RALYL: variants seen among roughly 807,000 people sequenced by gnomAD.
RALYL encodes RNA-binding Raly-like protein.
A neutral mutation model predicts 35.1 loss-of-function variants in RALYL; 29 were observed. The ratio of observed to expected loss-of-function variants is 0.83; its 90% CI spans 0.61 to 1.13. The LOEUF (loss-of-function observed/expected upper bound fraction) is 1.13, where lower values mean the gene tolerates loss of function less well. RALYL is among the 50% of genes most tolerant of loss of function. The pLI, the probability that RALYL is intolerant of heterozygous loss-of-function variation, is 0.00. For synonymous variants in RALYL, 120 were observed against 127.6 expected, an observed-to-expected ratio of 0.94 and a Z score of 0.40; for missense variants, 359 against 360.4, an observed-to-expected ratio of 1.00 and a Z score of 0.03.
chr8:84,811,392 C>T (rs1043711082), intron 4 of RALYL, among the ~76,000 whole-genome samples: 1 of 152,176 alleles, frequency 6.6e-6, no homozygotes, highest in African/African-American at 2.4e-5. Flanking sequence ...TGCTGTTAAT[C>T]TGATAGGTTT....
chr8:84,635,087 T>G (rs962768229), intron 2 of RALYL, among the ~76,000 whole-genome samples: 3 of 151,794 alleles, frequency 2.0e-5, no homozygotes, highest in African/African-American at 7.2e-5. Context: ...ACGTCCTGAT[T>G]GCTGAGGGTG....
Position 84,198,338 on chromosome 8 carries a change from A to T in RALYL, c.-24+13914A>T, listed in dbSNP as rs533364946. 2.0e-4 allele frequency among the ~76,000 whole-genome samples: 31 copies of T among 152,230 alleles called. No homozygotes were observed. The South Asian group carries it at 6.0e-3, about 30-fold the overall frequency. The stretch of plus-strand genomic sequence containing the variant: ...TTTATTCTCACTGCTTCATTTCTGA[A>T]TGTTGAAATTTATTTGTATTTATTT... On this transcript the variant is annotated intron_variant, in intron 1 of 8. Coordinates refer to ENST00000521268, the MANE Select transcript of RALYL (RefSeq NM_173848.7).
chr8:84,190,227 C>T (rs1289883196), intron 1 of RALYL, among the ~76,000 whole-genome samples: 1 of 152,192 alleles, frequency 6.6e-6, no homozygotes, highest in African/African-American at 2.4e-5. Context: ...ACCAACATCT[C>T]ACCATCAACA....
At chr8:84,707,429 T>C (rs535417106) in intron 2 of RALYL, among the ~76,000 whole-genome samples, 39 of 152,148 alleles carry the variant, frequency 2.6e-4, no homozygotes, top group African/African-American at 9.4e-4. Context: ...TCCCTCATTT[T>C]TTTTCCTTGT....
intron 1 of RALYL, among the ~76,000 whole-genome samples, chr8:84,428,913 C>T (rs1443734729): frequency 6.6e-6 from 1 of 152,078 alleles, no homozygotes; most frequent in Non-Finnish European, 1.5e-5. Context: ...TAATGCAAAG[C>T]AAATACTATT....
chr8:84,648,009 C>G (rs1353665378), intron 2 of RALYL, among the ~76,000 whole-genome samples: 3 of 152,020 alleles, frequency 2.0e-5, no homozygotes, highest in Admixed American at 2.0e-4. Context: ...AATGGGTGCT[C>G]TTTGCATAGC....
chr8:84,537,153 A>G (rs919748316), intron 2 of RALYL, among the ~76,000 whole-genome samples: 3 of 87,012 alleles, frequency 3.4e-5, no homozygotes, highest in Admixed American at 1.6e-4. Flanking sequence ...AAATAAATAT[A>G]TATATTAAAA....
intron 2 of RALYL, among the ~76,000 whole-genome samples, chr8:84,536,132 G>A (rs529331388): frequency 2.6e-4 from 39 of 152,220 alleles, no homozygotes; most frequent in African/African-American, 8.7e-4. Flanking sequence ...TTGTTACAAA[G>A]CCTTCTGTCT....
intron 1 of RALYL, among the ~76,000 whole-genome samples, chr8:84,470,386 T>C (rs529905231): frequency 1.3e-4 from 20 of 152,062 alleles, no homozygotes; most frequent in Non-Finnish European, 2.6e-4. Flanking sequence ...TGTGATCATA[T>C]AGTTTGAAAT....
At chr8:84,379,909 A>T (rs920764019) in intron 1 of RALYL, among the ~76,000 whole-genome samples, 1 of 151,766 alleles carries the variant, frequency 6.6e-6, no homozygotes, top group Non-Finnish European at 1.5e-5. Flanking sequence ...CTATAAAAAT[A>T]TGCTGTTTTA....
At chr8:84,372,763 G>T (rs1013461964) in intron 1 of RALYL, among the ~76,000 whole-genome samples, 5 of 151,494 alleles carry the variant, frequency 3.3e-5, no homozygotes, top group African/African-American at 9.7e-5. Flanking sequence ...TGAGTTAAAT[G>T]GTAATTCTGA....
intron 1 of RALYL, among the ~76,000 whole-genome samples, chr8:84,427,224 G>A (rs991814724): frequency 3.3e-5 from 5 of 152,166 alleles, no homozygotes; most frequent in East Asian, 1.9e-4. Flanking sequence ...TACCATCATC[G>A]TTTGCCTCAG....
chr8:84,527,671 C>A (rs549385584), intron 1 of RALYL, among the ~76,000 whole-genome samples: 1 of 152,150 alleles, frequency 6.6e-6, no homozygotes, highest in African/African-American at 2.4e-5. Flanking sequence ...TTGAGATATA[C>A]AATATCTCAA....
chr8:84,650,831 A>G (rs1267066334), intron 2 of RALYL, among the ~76,000 whole-genome samples: 1 of 152,146 alleles, frequency 6.6e-6, no homozygotes, highest in African/African-American at 2.4e-5. Context: ...CCAAATGTCC[A>G]ACAATGATAG....
intron 4 of RALYL, among the ~76,000 whole-genome samples, chr8:84,805,403 T>C (rs571162259): frequency 1.8e-4 from 28 of 152,210 alleles, no homozygotes; most frequent in Non-Finnish European, 2.5e-4. Flanking sequence ...AATAATATAT[T>C]GTTGGCCAGG....
chr8:84,569,094 T>C (rs534822379), intron 2 of RALYL, among the ~76,000 whole-genome samples: 240 of 151,840 alleles, frequency 1.6e-3, no homozygotes, highest in South Asian at 5.2e-3. Context: ...GCCATTGCTT[T>C]TGGTGTTTTA....
At chr8:84,669,354 T>A (rs1347323888) in intron 2 of RALYL, among the ~76,000 whole-genome samples, 1 of 152,106 alleles carries the variant, frequency 6.6e-6, no homozygotes, top group African/African-American at 2.4e-5. Context: ...TCTGAGCATT[T>A]TTTTTTAATT....
At chr8:84,718,174 A>C (rs1249815118) in intron 2 of RALYL, among the ~76,000 whole-genome samples, 1 of 152,190 alleles carries the variant, frequency 6.6e-6, no homozygotes, top group Non-Finnish European at 1.5e-5. Flanking sequence ...GATTATTACC[A>C]AATTATTAAG....
rs79512536 is a variant in RALYL, at chr8:84,556,228, G to C, written c.256+26651G>C. Among the ~76,000 whole-genome samples, 763 of 152,318 alleles carry C rather than the reference G, an allele frequency of 5.0e-3. 9 individuals are homozygous for C. Among genetic ancestry groups the C allele is most frequent in the African/African-American group, 0.018 (735 of 41,568 alleles). ...TTTAAAAAGAGTGATATGATGTGTG[G>C]AGATGATGGATGAGGGTGAGATGGA... is the stretch of plus-strand genomic sequence containing the variant. On this transcript the variant is annotated intron_variant, in intron 2 of 8. Coordinates refer to ENST00000521268, the MANE Select transcript of RALYL (RefSeq NM_173848.7).
Sources: gnomAD v4.1 joint callset for allele counts (sites outside exome capture counted in the v4.1 genomes callset) on GRCh38, gnomAD v4.1.1 for gene constraint, MANE v1.5 for transcripts, NCBI Gene and HGNC (gene_info 2026-07-23, HGNC 2026-07-21) for gene names.